MED28: variants seen among roughly 807,000 people sequenced by gnomAD.
MED28 encodes the protein mediator complex subunit 28.
Under a neutral mutation model 21.3 loss-of-function variants are expected in MED28, and 26 were observed. That is an observed-to-expected ratio of 1.22 (90% CI 0.89 to 1.69). The LOEUF is 1.69. Ranked by LOEUF, MED28 falls within the 40% of genes most tolerant of loss-of-function variation. MED28 has a pLI of 0.00. For synonymous variants in MED28, 110 were observed against 87.6 expected (o/e 1.26, Z -1.43); for missense variants, 257 against 215.4 (o/e 1.19, Z -1.21).
rs748390347 is a variant in MED28 at position 17,619,946 on chromosome 4, G to A, written c.205G>A (p.Asp69Asn). The A allele has an allele frequency of 1.2e-5, 20 of 1,613,932 alleles. No homozygotes were observed. Among genetic ancestry groups the A allele is most frequent in the East Asian group, 2.2e-5 (1 of 44,890 alleles). Residue 69 changes from aspartate (D) to asparagine (N), a missense_variant, in exon 2 of 4, where the codon GAT (aspartate) becomes AAT (asparagine). By Grantham distance (23) the Asp-to-Asn change is conservative (BLOSUM62 1). Coordinates refer to ENST00000237380, the MANE Select transcript of MED28 (RefSeq NM_025205.5). The stretch of plus-strand genomic sequence containing the variant: ...GAGTCAGGACTATGTCAATGGCACC[G>A]ATCAGGAAGAAATTCGAACCGGTAA... ...LVSQDYVNGT[D>N]QEEIRTGVDQ...
intron 1 of MED28, among the ~76,000 whole-genome samples, chr4:17,618,168 C>G (rs1488147324): frequency 1.3e-5 from 2 of 151,768 alleles, no homozygotes; most frequent in East Asian, 2.0e-4. Flanking sequence ...CGCACCACTA[C>G]GCCTGACTAA....
chr4:17,628,015 C>T lies in MED28; in HGVS notation c.*4217C>T, dbSNP rs1714811981. ...CCTTTCTCTAACATAGGTGTTTCTCCTGAGAAAGAAAAAAACCACCTGTCC... is the reference window on the plus strand; with the variant it reads ...CCTTTCTCTAACATAGGTGTTTCTCTTGAGAAAGAAAAAAACCACCTGTCC... On this transcript the variant is annotated 3_prime_UTR_variant, in exon 4 of 4. Coordinates refer to ENST00000237380, the MANE Select transcript of MED28 (RefSeq NM_025205.5). 6.6e-6 allele frequency: 1 copy of T among 152,020 alleles called. No homozygotes were observed. Among genetic ancestry groups the T allele is most frequent in the Admixed American group, 6.6e-5 (1 of 15,252 alleles). 9.4% of individuals were successfully genotyped at this position (152,020 alleles called of 1,614,324 possible). A position where few individuals can be genotyped will look rare whatever the true frequency, so the allele number is the denominator to read the frequency against.
rs527517388 is a variant in MED28, at chr4:17,621,574, CT to C, written c.227-4del. On this transcript the variant is annotated splice_polypyrimidine_tract_variant and intron_variant, in intron 2 of 3. Transcript: ENST00000237380. ...TTTTCTTATTTTAATAATTTTGTTCCTTTTTTTTTAAGGTGTTGATCAGTGT... is the reference window on the plus strand; with the variant it reads ...TTTTCTTATTTTAATAATTTTGTTCCTTTTTTTTAAGGTGTTGATCAGTGT... 1,196 of 1,392,660 alleles carry C rather than the reference CT, an allele frequency of 8.6e-4. No homozygotes were observed. Among genetic ancestry groups the C allele is most frequent in the Non-Finnish European group, 9.9e-4 (1,018 of 1,029,238 alleles). 86.3% of individuals were successfully genotyped at this position (1,392,660 alleles called of 1,614,324 possible).
At chr4:17,621,737 A>G in intron 3 of MED28, 38 bp downstream of exon 3, 5 of 1,329,466 alleles carry the variant, frequency 3.8e-6, no homozygotes, top group Non-Finnish European at 5.3e-6. Flanking sequence ...TATAGGAAGA[A>G]CTAAGTGGTG....
intron 1 of MED28, among the ~76,000 whole-genome samples, chr4:17,616,616 C>G (rs966765648): frequency 2.4e-4 from 37 of 152,208 alleles, no homozygotes; most frequent in African/African-American, 7.5e-4. Context: ...TTTGTTTTCT[C>G]TTTGGGCTTC....
At position 17,623,985 on chromosome 4, in the gene MED28, A is replaced by G. The variant is rs934294180; in HGVS notation, c.*187A>G. 9.0e-5 allele frequency: 57 copies of G among 635,096 alleles called. No homozygotes were observed. The African/African-American group carries it at 9.7e-4, about 11-fold the overall frequency. 39.3% of individuals were successfully genotyped at this position (635,096 alleles called of 1,614,324 possible). On this transcript the variant is annotated 3_prime_UTR_variant, in exon 4 of 4. Coordinates refer to ENST00000237380, the MANE Select transcript of MED28 (RefSeq NM_025205.5). ...GTTAATTTCTTGAGTACTTTATAACATGTCTGTAGCTTGGATAAACCAAGT... is the reference window on the plus strand; with the variant it reads ...GTTAATTTCTTGAGTACTTTATAACGTGTCTGTAGCTTGGATAAACCAAGT...
At position 17,632,453 on chromosome 4, in the gene MED28, T is replaced by A; in HGVS notation, c.*8655T>A. 1 of 1,206,082 alleles carries A rather than the reference T, an allele frequency of 8.3e-7. No individual in the cohort carries two copies. Among genetic ancestry groups the A allele is most frequent in the Non-Finnish European group, 1.2e-6 (1 of 851,640 alleles). 74.7% of individuals were successfully genotyped at this position (1,206,082 alleles called of 1,614,324 possible). On this transcript the variant is annotated 3_prime_UTR_variant, in exon 4 of 4. Transcript: ENST00000237380. ...ATAAGCATATTATTTGGTTGGTTGG[T>A]GTTAGTTCATTCCTTCAATCGGATG...
At chr4:17,617,488 G>T (rs747516910) in intron 1 of MED28, among the ~76,000 whole-genome samples, 1 of 152,208 alleles carries the variant, frequency 6.6e-6, no homozygotes, top group Non-Finnish European at 1.5e-5. Flanking sequence ...CCATTCATAG[G>T]TAGAGAAACT....
chr4:17,615,275 G>C (rs1043254554), intron 1 of MED28, among the ~76,000 whole-genome samples: 1 of 152,198 alleles, frequency 6.6e-6, no homozygotes, highest in Non-Finnish European at 1.5e-5. Flanking sequence ...TTGGTACTAA[G>C]AGCTGAGGAA....
At chr4:17,617,577 G>A (rs1216228714) in intron 1 of MED28, among the ~76,000 whole-genome samples, 1 of 152,224 alleles carries the variant, frequency 6.6e-6, no homozygotes, top group African/African-American at 2.4e-5. Context: ...TTACTTTCCA[G>A]GCAAAGGCTC....
rs1048747997 is a variant in MED28, at chr4:17,620,694, T to C, written c.226+727T>C. Among the ~76,000 whole-genome samples, 7 of 25,550 alleles carry C rather than the reference T, an allele frequency of 2.7e-4. No homozygotes were observed. The Admixed American group carries it at 3.2e-3, about 12-fold the overall frequency. The allele number at this position is 25,550 out of a possible 152,430, so 16.8% of individuals were successfully genotyped here. A position where few individuals can be genotyped will look rare whatever the true frequency, so the allele number is the denominator to read the frequency against. On this transcript the variant is annotated intron_variant, in intron 2 of 3. Coordinates refer to ENST00000237380, the MANE Select transcript of MED28 (RefSeq NM_025205.5). ...ATTGCTGGATCTCTGCATTGTCTCT[T>C]TTTTTTTTTTTTTTTTTTTGGAGAC...
In MED28 at chr4:17,633,571, AATC is replaced by A; in HGVS notation, c.*9777_*9779del. On this transcript the variant is annotated 3_prime_UTR_variant, in exon 4 of 4. Transcript: ENST00000237380. ...GTAAGTGATTCAGTGTCCCTTGTCTAATCATCCATGAAAAAAGGCCTTCTGGAA... is the reference window on the plus strand; with the variant it reads ...GTAAGTGATTCAGTGTCCCTTGTCTAATCCATGAAAAAAGGCCTTCTGGAA... 1.1e-6 allele frequency: 1 copy of A among 919,800 alleles called. No homozygotes were observed. The allele number at this position is 919,800 out of a possible 1,614,324, so 57.0% of individuals were successfully genotyped here. A position where few individuals can be genotyped will look rare whatever the true frequency, so the allele number is the denominator to read the frequency against.
chr4:17,623,840 T>A lies in MED28; in HGVS notation c.*42T>A. ...GTTGGCCTATGAGTGGGCTGATGCG[T>A]GAGGTTGGCCACACATTCCTTCCTG... is the stretch of plus-strand genomic sequence containing the variant. On this transcript the variant is annotated 3_prime_UTR_variant, in exon 4 of 4. Transcript: ENST00000237380. 2 of 1,573,884 alleles carry A rather than the reference T, an allele frequency of 1.3e-6. No homozygotes were observed. Among genetic ancestry groups the A allele is most frequent in the South Asian group, 2.3e-5 (2 of 88,002 alleles).
chr4:17,619,015 A>G (rs1407531436), intron 1 of MED28, among the ~76,000 whole-genome samples: 2 of 152,236 alleles, frequency 1.3e-5, no homozygotes, highest in African/African-American at 4.8e-5. Flanking sequence ...CACCAAGTGT[A>G]GTTTGCTGAT....
At position 17,630,913 on chromosome 4, in the gene MED28, A is replaced by T. The variant is rs895781032; in HGVS notation, c.*7115A>T. ...CCATTTTTATTGCCCAGTTATTCAA[A>T]GTTTTATTCAAAGAGCAAAGATTTG... On this transcript the variant is annotated 3_prime_UTR_variant, in exon 4 of 4. Coordinates refer to ENST00000237380, the MANE Select transcript of MED28 (RefSeq NM_025205.5). The T allele has an allele frequency of 1.1e-4, 16 of 152,198 alleles. No homozygotes were observed. The highest frequency in any genetic ancestry group is 1.8e-4 in the Non-Finnish European group (12 of 68,044). 9.4% of individuals were successfully genotyped at this position (152,198 alleles called of 1,614,324 possible).
In MED28 at chr4:17,633,114, G is replaced by A. The variant is rs1228498379; in HGVS notation, c.*9316G>A. The A allele has an allele frequency of 6.4e-6, 1 of 155,090 alleles. No individual in the cohort carries two copies. The highest frequency in any genetic ancestry group is 2.4e-5 in the African/African-American group (1 of 41,398). The allele number at this position is 155,090 out of a possible 1,614,324, so 9.6% of individuals were successfully genotyped here. ...ATTTTTGTATTTTTTGTAGAGATGG[G>A]TTTCACCATGTTGCCCAGGCTGGTC... On this transcript the variant is annotated 3_prime_UTR_variant, in exon 4 of 4. Coordinates refer to ENST00000237380, the MANE Select transcript of MED28 (RefSeq NM_025205.5).
intron 3 of MED28, 47 bp from the exon 4 acceptor site, chr4:17,623,554 G>A (rs908412757): frequency 1.1e-5 from 17 of 1,590,018 alleles, no homozygotes; most frequent in Non-Finnish European, 1.5e-5. Context: ...AACCGTATGT[G>A]TTTTTCCTGC....
Position 17,614,844 on chromosome 4 carries a change from A to G in MED28, c.159+31A>G, listed in dbSNP as rs762700172. The G allele has an allele frequency of 3.2e-6, 5 of 1,558,800 alleles. No homozygotes were observed. The Admixed American group carries it at 8.4e-5, about 26-fold the overall frequency. ...ATAAGACATGGGCGTCTTTGTCCCTAGCCTTCCCTTTTTTCTGAAACGTGA... is the reference window on the plus strand; with the variant it reads ...ATAAGACATGGGCGTCTTTGTCCCTGGCCTTCCCTTTTTTCTGAAACGTGA... On this transcript the variant is annotated intron_variant, in intron 1 of 3. Coordinates refer to ENST00000237380, the MANE Select transcript of MED28 (RefSeq NM_025205.5).
In MED28 at chr4:17,633,710, G is replaced by A; in HGVS notation, c.*9912G>A. 6.5e-7 allele frequency: 1 copy of A among 1,545,240 alleles called. No individual in the cohort carries two copies. The highest frequency in any genetic ancestry group is 8.7e-7 in the Non-Finnish European group (1 of 1,144,060). On this transcript the variant is annotated 3_prime_UTR_variant, in exon 4 of 4. Coordinates refer to ENST00000237380, the MANE Select transcript of MED28 (RefSeq NM_025205.5). ...AAACCTTGTGGCAGTTTTTGCATCT[G>A]TAGACTGGTTGGGTTTGTAGGTCCG... is the stretch of plus-strand genomic sequence containing the variant.
Sources: gnomAD v4.1 joint callset for allele counts (sites outside exome capture counted in the v4.1 genomes callset) on GRCh38, gnomAD v4.1.1 for gene constraint, MANE v1.5 for transcripts, NCBI Gene and HGNC (gene_info 2026-07-23, HGNC 2026-07-21) for gene names.